ADAMTS17: variants seen among roughly 807,000 people sequenced by gnomAD.
ADAMTS17 encodes A disintegrin and metalloproteinase with thrombospondin motifs 17.
Under a neutral mutation model 141.5 loss-of-function variants are expected in ADAMTS17, and 113 were observed. The observed-to-expected ratio is 0.80, with a 90% confidence interval of 0.69 to 0.93. The LOEUF (loss-of-function observed/expected upper bound fraction) is 0.93. Among genes scored for constraint, ADAMTS17 ranks in the 40% least tolerant of loss-of-function variants. The pLI, the probability that ADAMTS17 is intolerant of heterozygous loss-of-function variation, is 0.00. For synonymous variants in ADAMTS17, 768 were observed against 630.6 expected (o/e 1.22, Z -3.27); for missense variants, 1,659 against 1,517.9 (o/e 1.09, Z -1.54).
At chr15:100,218,002 T>C (rs778817095) in intron 7 of ADAMTS17, among the ~76,000 whole-genome samples, 1 of 152,176 alleles carries the variant, frequency 6.6e-6, no homozygotes, top group African/African-American at 2.4e-5. Flanking sequence ...CACCTCAGCC[T>C]CCCAAGTGGC....
intron 4 of ADAMTS17, among the ~76,000 whole-genome samples, chr15:100,272,843 C>A (rs1271372459): frequency 6.6e-6 from 1 of 151,808 alleles, no homozygotes; most frequent in Non-Finnish European, 1.5e-5. Flanking sequence ...TCATATATGA[C>A]CTTTATAATG....
At chr15:100,073,807 TA>T (rs2034165966) in intron 15 of ADAMTS17, among the ~76,000 whole-genome samples, 1 of 150,238 alleles carries the variant, frequency 6.7e-6, no homozygotes, top group South Asian at 2.1e-4. Context: ...GAGATATACC[TA>T]ATGTTAAATA....
intron 4 of ADAMTS17, among the ~76,000 whole-genome samples, chr15:100,267,678 CCT>C (rs71151942): frequency 0.12 from 18,489 of 152,144 alleles, 1,201 homozygotes; most frequent in Non-Finnish European, 0.14. Flanking sequence ...TGCCCCCCTC[CCT>C]GTCTCCCTTC....
chr15:100,204,530 T>C (rs1050082109), intron 7 of ADAMTS17, among the ~76,000 whole-genome samples: 2 of 152,176 alleles, frequency 1.3e-5, no homozygotes, highest in Non-Finnish European at 2.9e-5. Context: ...TGAACAGCAT[T>C]TAGGAGCAAA....
At position 100,109,066 on chromosome 15, in the gene ADAMTS17, G is replaced by A. The variant is rs1236872733; in HGVS notation, c.1939C>T (p.Leu647=). 1 of 1,614,034 alleles carries A rather than the reference G, an allele frequency of 6.2e-7. No individual in the cohort carries two copies. The highest frequency in any genetic ancestry group is 8.5e-7 in the Non-Finnish European group (1 of 1,180,002). The stretch of plus-strand genomic sequence containing the variant: ...CCGTCCAGGACCCTGTCGGCCACCA[G>A]CAGTGGGGACTCCTTCCCGAGGGGC... ...CSPLGKESPL[L]VADRVLDGTP... The change falls in exon 14 of 22, where the codon CTG becomes TTG. Residue 647 remains leucine, a synonymous_variant. Transcript: ENST00000268070.
At chr15:100,284,812 TA>T (rs2044394565) in intron 3 of ADAMTS17, among the ~76,000 whole-genome samples, 1 of 152,160 alleles carries the variant, frequency 6.6e-6, no homozygotes, top group Non-Finnish European at 1.5e-5. Context: ...ACTTCAAAAG[TA>T]AGAAGAAAAA....
chr15:100,211,347 A>G (rs1177296971), intron 7 of ADAMTS17, among the ~76,000 whole-genome samples: 1 of 151,382 alleles, frequency 6.6e-6, no homozygotes, highest in Non-Finnish European at 1.5e-5. Flanking sequence ...TAAAATGCAA[A>G]TTGCCTGACT....
chr15:100,050,595 G>A (rs898132131), intron 17 of ADAMTS17, among the ~76,000 whole-genome samples: 1 of 152,190 alleles, frequency 6.6e-6, no homozygotes, highest in Non-Finnish European at 1.5e-5. Context: ...TCCTACCCAT[G>A]AAAAATGGGA....
At position 100,256,101 on chromosome 15, in the gene ADAMTS17, G is replaced by T. The variant is rs115175657; in HGVS notation, c.1032-1922C>A. On this transcript the variant is annotated intron_variant, in intron 6 of 21. Coordinates refer to ENST00000268070, the MANE Select transcript of ADAMTS17 (RefSeq NM_139057.4). The stretch of plus-strand genomic sequence containing the variant: ...CTTTATCTCCAGGGAACCTGGCTCT[G>T]TTCCATTCATTATCAGGGGCACTCA... Among the ~76,000 whole-genome samples, 536 of 152,344 alleles carry T rather than the reference G, an allele frequency of 3.5e-3. 3 individuals are homozygous for T. Among genetic ancestry groups the T allele is most frequent in the African/African-American group, 0.012 (508 of 41,582 alleles).
At chr15:100,186,297 C>G (rs76108943) in intron 8 of ADAMTS17, among the ~76,000 whole-genome samples, 1 of 152,138 alleles carries the variant, frequency 6.6e-6, no homozygotes, top group Non-Finnish European at 1.5e-5. Context: ...TCAACATTGA[C>G]AAAGGGCTTG....
chr15:100,141,460 A>G (rs185226857), intron 10 of ADAMTS17, among the ~76,000 whole-genome samples: 2 of 152,232 alleles, frequency 1.3e-5, no homozygotes, highest in South Asian at 2.1e-4. Flanking sequence ...TGTGCTGCTG[A>G]TAACACAAGC....
At chr15:100,286,250 C>CT in intron 3 of ADAMTS17, among the ~76,000 whole-genome samples, 1 of 152,332 alleles carries the variant, frequency 6.6e-6, no homozygotes. Flanking sequence ...GTGCACCCTG[C>CT]TGCCCTACCA....
rs368007115 is a variant in ADAMTS17 at position 100,047,063 on chromosome 15, A to G, written c.2591+1794T>C. On this transcript the variant is annotated intron_variant, in intron 18 of 21. Coordinates refer to ENST00000268070, the MANE Select transcript of ADAMTS17 (RefSeq NM_139057.4). ...AGAAAGAGAATGAGCCCCTGAGGGT[A>G]GGCCTCTAAAATGGCCCCCCTGGGT... 8.2e-3 allele frequency among the ~76,000 whole-genome samples: 1,245 copies of G among 152,110 alleles called. 17 individuals carry two copies. The highest frequency in any genetic ancestry group is 0.028 in the African/African-American group (1,156 of 41,440).
intron 3 of ADAMTS17, among the ~76,000 whole-genome samples, chr15:100,288,618 T>C (rs541478214): frequency 5.3e-5 from 8 of 152,246 alleles, no homozygotes; most frequent in African/African-American, 1.9e-4. Context: ...CAATCAGCCA[T>C]AAGACAATTC....
intron 9 of ADAMTS17, among the ~76,000 whole-genome samples, chr15:100,153,453 C>T (rs1258758039): frequency 6.6e-6 from 1 of 152,014 alleles, no homozygotes; most frequent in African/African-American, 2.4e-5. Context: ...CCAGTCTGGC[C>T]AACATGGGGA....
rs1314646764 is a variant in ADAMTS17, at chr15:100,341,199, C to A, written c.290G>T (p.Arg97Leu). ...TCGGGACAGGAAGCGCAGGTCGCGGCGCAGCTGAAGGTACAGGTCGCGCCC... is the reference window on the plus strand; with the variant it reads ...TCGGGACAGGAAGCGCAGGTCGCGGAGCAGCTGAAGGTACAGGTCGCGCCC... ...AFGRDLYLQL[R>L]RDLRFLSRGF... The change falls in exon 2 of 22, where the codon CGC becomes CTC. Residue 97 changes from arginine to leucine, a missense_variant. Physicochemically the swap from Arg to Leu is moderately radical, Grantham distance 102 (BLOSUM62 -2). Coordinates refer to ENST00000268070, the MANE Select transcript of ADAMTS17 (RefSeq NM_139057.4). The A allele has an allele frequency of 1.4e-6, 2 of 1,461,874 alleles. No homozygotes were observed. Among genetic ancestry groups the A allele is most frequent in the Admixed American group, 2.3e-5 (1 of 43,104 alleles). 90.6% of individuals were successfully genotyped at this position (1,461,874 alleles called of 1,614,324 possible).
intron 8 of ADAMTS17, among the ~76,000 whole-genome samples, chr15:100,156,592 G>A (rs2039447627): frequency 6.6e-6 from 1 of 152,184 alleles, no homozygotes; most frequent in Admixed American, 6.5e-5. Context: ...TGATGTCAGT[G>A]ACACTTGTTA....
At chr15:100,319,625 G>A (rs1303535228) in intron 3 of ADAMTS17, among the ~76,000 whole-genome samples, 3 of 152,178 alleles carry the variant, frequency 2.0e-5, no homozygotes, top group Non-Finnish European at 2.9e-5. Flanking sequence ...CAAGAGAATC[G>A]CTTGAACCCA....
chr15:100,162,411 T>C (rs553871468), intron 8 of ADAMTS17, among the ~76,000 whole-genome samples: 3 of 146,700 alleles, frequency 2.0e-5, no homozygotes, highest in African/African-American at 7.4e-5. Flanking sequence ...TGTATATATG[T>C]GTATATATAA....
Sources: allele counts gnomAD v4.1 joint callset (sites outside exome capture counted in the v4.1 genomes callset), GRCh38; gene constraint gnomAD v4.1.1; transcripts MANE v1.5; gene names NCBI Gene and HGNC (gene_info 2026-07-23, HGNC 2026-07-21).